The following TRRAP variants were observed in gnomAD, a reference collection of about 807,000 sequenced individuals.
TRRAP encodes the protein transformation/transcription domain associated protein, also known as transformation/transcription domain-associated protein.
Under a neutral mutation model 438.8 loss-of-function variants are expected in TRRAP, and 41 were observed. That is an observed-to-expected ratio of 0.09 (90% CI 0.07 to 0.12). TRRAP has a LOEUF of 0.12. Ranked by LOEUF, TRRAP falls within the 10% of genes least tolerant of loss-of-function variation. The probability of loss-of-function intolerance (pLI) is 1.00; values close to 1 mark genes in which losing one functional copy is unlikely to be tolerated. For missense variants in TRRAP, 3,122 were observed against 5,055.1 expected (o/e 0.62, Z 11.60); for synonymous variants, 1,994 against 1,962.9 (o/e 1.02, Z -0.42).
intron 14 of TRRAP, 144 bp from the exon 15 acceptor site, chr7:98,909,912 T>C: frequency 7.1e-7 from 1 of 1,414,734 alleles, no homozygotes; most frequent in Non-Finnish European, 9.2e-7. Flanking sequence ...AAACTGCAAT[T>C]CCTTTGACAC....
intron 39 of TRRAP, 53 bp downstream of exon 39, chr7:98,951,057 A>C: frequency 1.5e-6 from 1 of 662,226 alleles, no homozygotes; most frequent in South Asian, 2.5e-5. Flanking sequence ...GTGGATGAAC[A>C]TCTGTGTGTG....
chr7:98,978,469 A>G, intron 57 of TRRAP, 146 bp downstream of exon 57: 1 of 771,924 alleles, frequency 1.3e-6, no homozygotes, highest in Non-Finnish European at 2.1e-6. Context: ...ACCCAAAACC[A>G]GCATTTAAAG....
chr7:98,912,414 A>G (rs1447910424), intron 18 of TRRAP, among the ~76,000 whole-genome samples: 8 of 148,722 alleles, frequency 5.4e-5, no homozygotes, highest in African/African-American at 2.0e-4. Flanking sequence ...TCTTATTTTC[A>G]CTTTTAAACA....
chr7:98,982,511 T>C (rs145741375), intron 59 of TRRAP, among the ~76,000 whole-genome samples: 63 of 152,290 alleles, frequency 4.1e-4, no homozygotes, highest in African/African-American at 1.4e-3. Flanking sequence ...GGCATAGCCA[T>C]AGAAACAAAT....
At chr7:98,930,394 T>C (rs1790272025) in intron 24 of TRRAP, among the ~76,000 whole-genome samples, 188 bp downstream of exon 24, 1 of 152,008 alleles carries the variant, frequency 6.6e-6, no homozygotes, top group Non-Finnish European at 1.5e-5. Context: ...CTGACCAACA[T>C]GGAGAAACCC....
rs529555393 is a variant in TRRAP, at chr7:98,917,564, A to G, written c.2507A>G (p.Asn836Ser). ...ATGGATCCCTTGGTGTCTGCACTCA[A>G]TGGGTCTCAGACATTGGTCAGCCAA... ...MLMDPLVSAL[N>S]GSQTLVSQGL... Residue 836 changes from asparagine (N) to serine (S), a missense_variant, in exon 20 of 73, where the codon AAT becomes AGT. This residue lies in a region of TRRAP where 20 missense variants were observed against 100.7 expected (regional missense o/e 0.20). Coordinates refer to ENST00000456197, the MANE Select transcript of TRRAP (RefSeq NM_001375524.1). 12 of 1,614,168 alleles carry G rather than the reference A, an allele frequency of 7.4e-6. No individual in the cohort carries two copies. Among genetic ancestry groups the G allele is most frequent in the East Asian group, 2.2e-5 (1 of 44,882 alleles).
Position 98,945,737 on chromosome 7 carries a change from C to A in TRRAP, c.4474-10C>A. The A allele has an allele frequency of 1.9e-6, 3 of 1,597,306 alleles. No individual in the cohort carries two copies. The South Asian group carries it at 3.3e-5, about 18-fold the overall frequency. On this transcript the variant is annotated splice_polypyrimidine_tract_variant and intron_variant, in intron 31 of 72. Coordinates refer to ENST00000456197, the MANE Select transcript of TRRAP (RefSeq NM_001375524.1). Reference sequence around the variant, plus strand: ...AATAGAAAAAAGATGATTTTCCTCCCCATCCTCAGGAAAGCATTTCCGAGT... The same window carrying A: ...AATAGAAAAAAGATGATTTTCCTCCACATCCTCAGGAAAGCATTTCCGAGT...
intron 52 of TRRAP, 137 bp downstream of exon 52, chr7:98,970,428 C>T (rs1792361952): frequency 1.8e-6 from 2 of 1,132,886 alleles, no homozygotes; most frequent in African/African-American, 3.1e-5. Context: ...CCCCGCGCCC[C>T]ACGGGCAGAA....
intron 12 of TRRAP, among the ~76,000 whole-genome samples, chr7:98,905,228 G>A (rs1450398286): frequency 3.3e-5 from 5 of 152,138 alleles, no homozygotes; most frequent in African/African-American, 1.2e-4. Context: ...TGACCTCAGA[G>A]GGGCCTGCTT....
intron 44 of TRRAP, among the ~76,000 whole-genome samples, chr7:98,958,911 A>G (rs949652686): frequency 7.9e-5 from 12 of 152,198 alleles, no homozygotes; most frequent in Non-Finnish European, 1.6e-4. Context: ...CTGAAACTTT[A>G]TATTTCAAAG....
intron 59 of TRRAP, 75 bp from the exon 60 acceptor site, chr7:98,983,189 A>G (rs77830411): frequency 0.016 from 21,815 of 1,370,980 alleles, 209 homozygotes; most frequent in Non-Finnish European, 0.019. Context: ...CATGTCCCCA[A>G]TGGACTCTGG....
intron 4 of TRRAP, among the ~76,000 whole-genome samples, chr7:98,891,829 C>T (rs1170308808): frequency 1.3e-5 from 2 of 152,274 alleles, no homozygotes; most frequent in East Asian, 1.9e-4. Context: ...TGAGCCACCG[C>T]GCCCGGCCCA....
intron 48 of TRRAP, among the ~76,000 whole-genome samples, chr7:98,965,374 G>A (rs1300139534): frequency 2.0e-5 from 3 of 152,178 alleles, no homozygotes; most frequent in Non-Finnish European, 1.5e-5. Flanking sequence ...GGGGCTGCCT[G>A]GCAGGGGCTG....
At chr7:98,941,015 T>C (rs782289523) in intron 30 of TRRAP, among the ~76,000 whole-genome samples, 51 of 152,194 alleles carry the variant, frequency 3.4e-4, no homozygotes, top group Admixed American at 2.0e-4. Context: ...TTAAGAGTTT[T>C]AGAGTTTTAG....
At chr7:98,907,330 A>AC (rs1796822071) in intron 13 of TRRAP, among the ~76,000 whole-genome samples, 1 of 152,218 alleles carries the variant, frequency 6.6e-6, no homozygotes, top group East Asian at 1.9e-4. Flanking sequence ...TCTCAAAAAA[A>AC]AAAAAGTAGT....
intron 67 of TRRAP, among the ~76,000 whole-genome samples, chr7:99,002,122 CG>C (rs1003090262): frequency 3.3e-3 from 17 of 5,176 alleles, no homozygotes; most frequent in African/African-American, 0.012. Flanking sequence ...AGGGGAGAGG[CG>C]GGGGGGTGGG....
In TRRAP at chr7:98,956,508, G is replaced by T; in HGVS notation, c.6206G>T (p.Arg2069Met). 1.2e-6 allele frequency: 2 copies of T among 1,614,174 alleles called. No homozygotes were observed. Among genetic ancestry groups the T allele is most frequent in the East Asian group, 4.5e-5 (2 of 44,866 alleles). Residue 2069 changes from arginine (R) to methionine (M), a missense_variant, in exon 43 of 73, where the codon AGG (arginine) becomes ATG (methionine). Coordinates refer to ENST00000456197, the MANE Select transcript of TRRAP (RefSeq NM_001375524.1). The surrounding 1 kb of genome is among the most constrained non-coding windows in gnomAD (Gnocchi z 4.5). Reference protein sequence around the residue: ...VDSAQEVKRFRTATGAISAVF... With the variant: ...VDSAQEVKRFMTATGAISAVF... ...TCTGCCCAGGAAGTGAAACGCTTTAGGACGGCCACCGGAGCCATCAGTGCA... is the reference window on the plus strand; with the variant it reads ...TCTGCCCAGGAAGTGAAACGCTTTATGACGGCCACCGGAGCCATCAGTGCA...
intron 67 of TRRAP, among the ~76,000 whole-genome samples, chr7:99,001,037 C>T (rs1306725145): frequency 6.6e-6 from 1 of 152,238 alleles, no homozygotes; most frequent in South Asian, 2.1e-4. Context: ...CCTAAAGACT[C>T]ATTGTGTCCT....
intron 23 of TRRAP, among the ~76,000 whole-genome samples, chr7:98,929,187 G>C (rs948956485): frequency 5.9e-5 from 9 of 151,890 alleles, no homozygotes; most frequent in African/African-American, 2.2e-4. Context: ...TGATCCACCC[G>C]CCTCGGCCTC....
Sources: gnomAD v4.1 joint callset for allele counts (sites outside exome capture counted in the v4.1 genomes callset) on GRCh38, gnomAD v4.1.1 for gene constraint, gnomAD v4.1.1 regional missense constraint, Gnocchi (gnomAD v3.1) non-coding constraint, MANE v1.5 for transcripts, NCBI Gene and HGNC (gene_info 2026-07-23, HGNC 2026-07-21) for gene names.